Variants in VWA8 observed in about 807,000 individuals in gnomAD.
VWA8 encodes von Willebrand factor A domain containing 8, also known as von Willebrand factor A domain-containing protein 8.
A neutral mutation model predicts 241.5 loss-of-function variants in VWA8; 221 were observed. That is an observed-to-expected ratio of 0.91 (90% CI 0.82 to 1.02). The LOEUF (loss-of-function observed/expected upper bound fraction) is 1.02, where lower values mean the gene tolerates loss of function less well. Ranked by LOEUF, VWA8 falls within the 50% of genes least tolerant of loss-of-function variation. VWA8 has a pLI of 0.00. For synonymous variants in VWA8, 852 were observed against 827.1 expected (o/e 1.03, Z -0.52); for missense variants, 2,322 against 2,328.7 (o/e 1.00, Z 0.06).
intron 19 of VWA8, among the ~76,000 whole-genome samples, chr13:41,782,354 T>C (rs1868927604): frequency 6.6e-6 from 1 of 151,752 alleles, no homozygotes; most frequent in African/African-American, 2.4e-5. Context: ...TTGTTCTTTG[T>C]CTCTTTGTCT....
At chr13:41,605,390 G>T in intron 39 of VWA8, 114 bp from the exon 40 acceptor site, 1 of 994,334 alleles carries the variant, frequency 1.0e-6, no homozygotes. Context: ...TCAGATTCAT[G>T]TTGAGGAGAA....
intron 3 of VWA8, among the ~76,000 whole-genome samples, chr13:41,911,105 C>T (rs1380534565): frequency 6.6e-6 from 1 of 150,900 alleles, no homozygotes; most frequent in Non-Finnish European, 1.5e-5. Context: ...ACTTTGCCAC[C>T]CAGGCTGGAG....
chr13:41,676,376 G>C (rs1223006247), intron 35 of VWA8, among the ~76,000 whole-genome samples: 1 of 152,108 alleles, frequency 6.6e-6, no homozygotes, highest in Non-Finnish European at 1.5e-5. Context: ...CAAGAGCCTA[G>C]AGGGGACAAA....
rs34745047 is a variant in VWA8 at position 41,635,351 on chromosome 13, A to G, written c.4612-20267T>C. Reference sequence around the variant, plus strand: ...TGGATAGAAGAAACATGAGTATGCTATTTAGAGATATGGGGGCAAAAAATA... The same window carrying G: ...TGGATAGAAGAAACATGAGTATGCTGTTTAGAGATATGGGGGCAAAAAATA... On this transcript the variant is annotated intron_variant, in intron 37 of 44. Transcript: ENST00000379310. Among the ~76,000 whole-genome samples the G allele has an allele frequency of 5.3e-3, 809 of 152,292 alleles. 4 individuals carry two copies. The highest frequency in any genetic ancestry group is 0.016 in the South Asian group (75 of 4,828).
At chr13:41,780,963 T>C (rs1051461021) in intron 19 of VWA8, among the ~76,000 whole-genome samples, 1 of 152,210 alleles carries the variant, frequency 6.6e-6, no homozygotes, top group African/African-American at 2.4e-5. Flanking sequence ...ATCTCCTTAA[T>C]AGCCCTGGAA....
chr13:41,947,091 C>G (rs1314125676), intron 2 of VWA8, among the ~76,000 whole-genome samples: 1 of 152,194 alleles, frequency 6.6e-6, no homozygotes, highest in African/African-American at 2.4e-5. Context: ...CACCAACTCC[C>G]ACACTGTTCC....
At chr13:41,714,206 A>C (rs1419095407) in intron 26 of VWA8, among the ~76,000 whole-genome samples, 1 of 152,000 alleles carries the variant, frequency 6.6e-6, no homozygotes, top group Non-Finnish European at 1.5e-5. Flanking sequence ...TAATTTCCTT[A>C]GTTTTTTTTT....
chr13:41,617,926 C>T (rs527776147), intron 37 of VWA8, among the ~76,000 whole-genome samples: 551 of 151,842 alleles, frequency 3.6e-3, no homozygotes, highest in South Asian at 7.7e-3. Flanking sequence ...TGAATAGTGC[C>T]GCAATAAACA....
At chr13:41,727,947 T>C (rs2045450106) in intron 23 of VWA8, among the ~76,000 whole-genome samples, 1 of 152,164 alleles carries the variant, frequency 6.6e-6, no homozygotes, top group Non-Finnish European at 1.5e-5. Flanking sequence ...GAAAGGTATT[T>C]CTACTGGCTA....
In VWA8 at chr13:41,654,459, G is replaced by GGAAT. The variant is rs1356427540; in HGVS notation, c.4611+16483_4611+16486dup. Among the ~76,000 whole-genome samples, 21 of 152,318 alleles carry GGAAT rather than the reference G, an allele frequency of 1.4e-4. No homozygotes were observed. The East Asian group carries it at 3.5e-3, about 25-fold the overall frequency. On this transcript the variant is annotated intron_variant, in intron 37 of 44. Coordinates refer to ENST00000379310, the MANE Select transcript of VWA8 (RefSeq NM_015058.2). The stretch of plus-strand genomic sequence containing the variant: ...CAATTTTTCCAGGGACAGGGTAGAG[G>GGAAT]GAATGGTTTCAGGATAAAACTGTTC...
At chr13:41,857,084 C>T (rs1012648900) in intron 12 of VWA8, among the ~76,000 whole-genome samples, 3 of 152,060 alleles carry the variant, frequency 2.0e-5, no homozygotes, top group Non-Finnish European at 4.4e-5. Flanking sequence ...AAGAGGCTTT[C>T]AATTCTCTTT....
At chr13:41,598,962 G>A (rs1170092432) in intron 40 of VWA8, among the ~76,000 whole-genome samples, 5 of 151,836 alleles carry the variant, frequency 3.3e-5, no homozygotes, top group Admixed American at 2.0e-4. Context: ...AGCTGGGTAC[G>A]GTTTTGTTAC....
intron 26 of VWA8, among the ~76,000 whole-genome samples, chr13:41,716,323 T>C (rs968535530): frequency 1.3e-5 from 2 of 152,162 alleles, no homozygotes; most frequent in Non-Finnish European, 2.9e-5. Context: ...CCTCATCACA[T>C]TGGGCCTTTA....
At position 41,961,021 on chromosome 13, in the gene VWA8, CG is replaced by C. The variant is rs775896167; in HGVS notation, c.-7del. ...AGTAGAAGCCGGGATTGCATGGCGC[CG>C]GGGGGGCTGTCGGGGACGGCGAGGG... On this transcript the variant is annotated 5_prime_UTR_variant, in exon 1 of 45. Transcript: ENST00000379310. 78 of 1,241,602 alleles carry C rather than the reference CG, an allele frequency of 6.3e-5. No homozygotes were observed. In the African/African-American group the frequency reaches 7.7e-4, roughly 12 times the overall value. 76.9% of individuals were successfully genotyped at this position (1,241,602 alleles called of 1,614,324 possible). A position where few individuals can be genotyped will look rare whatever the true frequency, so the allele number is the denominator to read the frequency against.
intron 21 of VWA8, among the ~76,000 whole-genome samples, chr13:41,756,047 G>T (rs1480130253): frequency 6.6e-6 from 1 of 151,662 alleles, no homozygotes; most frequent in Non-Finnish European, 1.5e-5. Context: ...TTGGTTCTTT[G>T]ACCAATAATA....
chr13:41,706,113 T>A (rs997530564), intron 26 of VWA8, among the ~76,000 whole-genome samples: 1 of 152,110 alleles, frequency 6.6e-6, no homozygotes, highest in Non-Finnish European at 1.5e-5. Context: ...ATAAATGCTT[T>A]AAAAAAATAA....
intron 37 of VWA8, among the ~76,000 whole-genome samples, chr13:41,668,093 G>A (rs1462696448): frequency 6.6e-6 from 1 of 152,204 alleles, no homozygotes; most frequent in Non-Finnish European, 1.5e-5. Context: ...ACAGAGTAGT[G>A]ATAAAACATT....
In VWA8 at chr13:41,928,080, A is replaced by G. The variant is rs368194344; in HGVS notation, c.242-15912T>C. On this transcript the variant is annotated intron_variant, in intron 2 of 44. Coordinates refer to ENST00000379310, the MANE Select transcript of VWA8 (RefSeq NM_015058.2). ...ACAATTATAAATATATATTCACCCA[A>G]CACTGTAGCACCTAAATACATTAAA... Among the ~76,000 whole-genome samples, 13 of 152,326 alleles carry G rather than the reference A, an allele frequency of 8.5e-5. No individual in the cohort carries two copies. The East Asian group carries it at 2.5e-3, about 29-fold the overall frequency.
At chr13:41,654,044 A>G (rs1325648419) in intron 37 of VWA8, among the ~76,000 whole-genome samples, 3 of 152,206 alleles carry the variant, frequency 2.0e-5, no homozygotes, top group Non-Finnish European at 4.4e-5. Flanking sequence ...AACAAAAACA[A>G]AAATTGACTC....
Sources: gnomAD v4.1 joint callset for allele counts (sites outside exome capture counted in the v4.1 genomes callset) on GRCh38, gnomAD v4.1.1 for gene constraint, MANE v1.5 for transcripts, NCBI Gene and HGNC (gene_info 2026-07-23, HGNC 2026-07-21) for gene names.